ST6GALNAC3: variants seen among roughly 807,000 people sequenced by gnomAD.
ST6GALNAC3 encodes the protein alpha-N-acetylgalactosaminide alpha-2,6-sialyltransferase 3.
Under a neutral mutation model 32.7 loss-of-function variants are expected in ST6GALNAC3, and 25 were observed. That is an observed-to-expected ratio of 0.76 (90% confidence interval 0.56 to 1.07). The LOEUF (loss-of-function observed/expected upper bound fraction) is 1.07, where lower values mean the gene tolerates loss of function less well. ST6GALNAC3 is among the 50% of genes least tolerant of loss of function. The probability of loss-of-function intolerance (pLI) is 0.00; values close to 1 mark genes in which losing one functional copy is unlikely to be tolerated. For synonymous variants in ST6GALNAC3, 129 were observed against 133.1 expected (o/e 0.97, Z 0.21); for missense variants, 355 against 382.4 (o/e 0.93, Z 0.60).
chr1:76,290,410 G>A (rs1404329984), intron 1 of ST6GALNAC3, among the ~76,000 whole-genome samples: 2 of 152,100 alleles, frequency 1.3e-5, no homozygotes, highest in African/African-American at 4.8e-5. Context: ...TTCAATGACT[G>A]CATGCCCATG....
chr1:76,579,311 A>C (rs1017487789), intron 3 of ST6GALNAC3, among the ~76,000 whole-genome samples: 2 of 152,022 alleles, frequency 1.3e-5, no homozygotes, highest in African/African-American at 4.8e-5. Flanking sequence ...CATCAGTCAC[A>C]TCTTCCCAAC....
intron 3 of ST6GALNAC3, among the ~76,000 whole-genome samples, chr1:76,554,668 CA>C (rs1664819676): frequency 6.6e-6 from 1 of 152,050 alleles, no homozygotes; most frequent in Non-Finnish European, 1.5e-5. Flanking sequence ...TTATACTTAT[CA>C]GAAGAAAGTT....
At chr1:76,099,397 G>T (rs1311732168) in intron 1 of ST6GALNAC3, among the ~76,000 whole-genome samples, 6 of 152,114 alleles carry the variant, frequency 3.9e-5, no homozygotes, top group Admixed American at 3.3e-4. Flanking sequence ...GTCCACAAAA[G>T]AGTGGTACAT....
At chr1:76,388,828 AG>A (rs925432261) in intron 2 of ST6GALNAC3, among the ~76,000 whole-genome samples, 8 of 152,086 alleles carry the variant, frequency 5.3e-5, no homozygotes, top group Non-Finnish European at 1.0e-4. Flanking sequence ...TATTTAGTGC[AG>A]TGGCTAAGAC....
At chr1:76,074,923 C>T (rs1443117991) in intron 1 of ST6GALNAC3, 39 bp downstream of exon 1, 1 of 1,576,584 alleles carries the variant, frequency 6.3e-7, no homozygotes, top group Non-Finnish European at 8.6e-7. Flanking sequence ...CGTGGTTGGC[C>T]AGCCCCTTGC....
At chr1:76,241,109 A>C (rs970872995) in intron 1 of ST6GALNAC3, among the ~76,000 whole-genome samples, 2 of 152,352 alleles carry the variant, frequency 1.3e-5, no homozygotes, top group Non-Finnish European at 2.9e-5. Flanking sequence ...CAAAATTATT[A>C]GGATAGTACA....
rs540766465 is a variant in ST6GALNAC3 at position 76,284,148 on chromosome 1, G to C, written c.19-29657G>C. On this transcript the variant is annotated intron_variant, in intron 1 of 4. Transcript: ENST00000328299. ...TGTAAGTTTAATTTTTTTTCCTCTG[G>C]TGTTAAATAAATTGCTCAAAGATCT... Among the ~76,000 whole-genome samples the C allele has an allele frequency of 1.1e-4, 16 of 152,156 alleles. No homozygotes were observed. In the South Asian group the frequency reaches 3.1e-3, roughly 30 times the overall value.
chr1:76,559,198 A>C (rs1164977769), intron 3 of ST6GALNAC3, among the ~76,000 whole-genome samples: 1 of 152,164 alleles, frequency 6.6e-6, no homozygotes, highest in African/African-American at 2.4e-5. Context: ...CAAATCTAGA[A>C]ACCACTACCA....
At chr1:76,264,241 T>G (rs1658407731) in intron 1 of ST6GALNAC3, among the ~76,000 whole-genome samples, 2 of 152,162 alleles carry the variant, frequency 1.3e-5, no homozygotes, top group Admixed American at 6.6e-5. Context: ...GGCAGCCACA[T>G]CAGCATAATA....
At chr1:76,232,672 A>C (rs1656435619) in intron 1 of ST6GALNAC3, among the ~76,000 whole-genome samples, 1 of 152,192 alleles carries the variant, frequency 6.6e-6, no homozygotes, top group Non-Finnish European at 1.5e-5. Flanking sequence ...CCCCATCACC[A>C]AGTCCCTGCC....
chr1:76,616,804 A>G (rs1228467135), intron 3 of ST6GALNAC3, among the ~76,000 whole-genome samples: 1 of 152,228 alleles, frequency 6.6e-6, no homozygotes, highest in Non-Finnish European at 1.5e-5. Flanking sequence ...TATTGAAAAT[A>G]AATATTCCCC....
At chr1:76,194,101 G>C (rs1654059492) in intron 1 of ST6GALNAC3, among the ~76,000 whole-genome samples, 1 of 152,158 alleles carries the variant, frequency 6.6e-6, no homozygotes, top group South Asian at 2.1e-4. Context: ...TTATACAGAT[G>C]AGACCCTAAG....
intron 1 of ST6GALNAC3, among the ~76,000 whole-genome samples, chr1:76,310,394 G>T (rs1646738757): frequency 6.6e-6 from 1 of 152,132 alleles, no homozygotes; most frequent in Admixed American, 6.5e-5. Context: ...ATGAGGTAAG[G>T]CTGTGGTAGT....
intron 2 of ST6GALNAC3, among the ~76,000 whole-genome samples, chr1:76,329,489 A>G (rs988581624): frequency 1.3e-5 from 2 of 152,124 alleles, no homozygotes; most frequent in Non-Finnish European, 2.9e-5. Context: ...TGGCCATTCA[A>G]TGTCTCACCT....
chr1:76,162,007 C>T (rs1393842969), intron 1 of ST6GALNAC3, among the ~76,000 whole-genome samples: 2 of 152,192 alleles, frequency 1.3e-5, no homozygotes, highest in African/African-American at 2.4e-5. Flanking sequence ...ACAGTTGGCA[C>T]TCAAATTGGG....
In ST6GALNAC3 at chr1:76,289,564, C is replaced by G. The variant is rs118050885; in HGVS notation, c.19-24241C>G. On this transcript the variant is annotated intron_variant, in intron 1 of 4. Coordinates refer to ENST00000328299, the MANE Select transcript of ST6GALNAC3 (RefSeq NM_152996.4). ...AATGGTTTCATTAGGAAAACATTTG[C>G]TTAGTGAGGCTTCTTGTGGGGCTGA... 2.6e-4 allele frequency among the ~76,000 whole-genome samples: 39 copies of G among 152,220 alleles called. No individual in the cohort carries two copies. In the East Asian group the frequency reaches 7.2e-3, roughly 28 times the overall value.
intron 1 of ST6GALNAC3, among the ~76,000 whole-genome samples, chr1:76,257,505 G>A (rs1301700441): frequency 6.6e-6 from 1 of 152,030 alleles, no homozygotes. Flanking sequence ...AATCATGGTC[G>A]GGTTTGAAAA....
intron 2 of ST6GALNAC3, among the ~76,000 whole-genome samples, chr1:76,393,352 C>A (rs1392507177): frequency 6.6e-6 from 1 of 152,120 alleles, no homozygotes; most frequent in Non-Finnish European, 1.5e-5. Flanking sequence ...AAGGTTATTT[C>A]TGTGGGGCAG....
chr1:76,169,276 C>T (rs1159374351), intron 1 of ST6GALNAC3, among the ~76,000 whole-genome samples: 5 of 152,136 alleles, frequency 3.3e-5, no homozygotes, highest in Non-Finnish European at 7.4e-5. Flanking sequence ...AATATTGACC[C>T]CCAATCTCTT....
Sources: allele counts gnomAD v4.1 joint callset (sites outside exome capture counted in the v4.1 genomes callset), GRCh38; gene constraint gnomAD v4.1.1; transcripts MANE v1.5; gene names NCBI Gene and HGNC (gene_info 2026-07-23, HGNC 2026-07-21).